Variants in INTS4 observed in about 807,000 individuals in gnomAD.
INTS4 encodes the protein MSTP093.
A neutral mutation model predicts 119.5 loss-of-function variants in INTS4; 70 were observed. That is an observed-to-expected ratio of 0.59 (90% CI 0.48 to 0.71). INTS4 has a LOEUF of 0.71. Among genes scored for constraint, INTS4 ranks in the 30% least tolerant of loss-of-function variants. The pLI is 0.00. For missense variants in INTS4, 867 were observed against 1,173.2 expected (o/e 0.74, Z 3.81); for synonymous variants, 316 against 419.6 (o/e 0.75, Z 3.02).
chr11:77,959,637 C>A (rs1357484254), intron 6 of INTS4, among the ~76,000 whole-genome samples: 1 of 152,068 alleles, frequency 6.6e-6, no homozygotes, highest in Admixed American at 6.6e-5. Flanking sequence ...GATGGTCACA[C>A]CACCACAAGC....
chr11:77,964,416 C>A (rs1345041812), intron 4 of INTS4, among the ~76,000 whole-genome samples: 2 of 150,472 alleles, frequency 1.3e-5, no homozygotes, highest in African/African-American at 4.9e-5. Flanking sequence ...AAAAAAAATA[C>A]AAAAAAAATT....
In INTS4 at chr11:77,883,953, C is replaced by A; in HGVS notation, c.2593-1G>T. On this transcript the variant is annotated splice_acceptor_variant, in intron 21 of 22. Coordinates refer to ENST00000534064, the MANE Select transcript of INTS4 (RefSeq NM_033547.4). LOFTEE classifies it high-confidence loss of function. ...GAGCCTGGCCATCTGGATATAAGAC[C>A]TAAAGGGTGACAGAAATGAGAAAAA... is the stretch of plus-strand genomic sequence containing the variant. 6.2e-7 allele frequency: 1 copy of A among 1,612,362 alleles called. No individual in the cohort carries two copies. The highest frequency in any genetic ancestry group is 8.5e-7 in the Non-Finnish European group (1 of 1,179,196).
chr11:77,883,926 C>A lies in INTS4; in HGVS notation c.2619G>T (p.Gln873His). 1 of 1,613,296 alleles carries A rather than the reference C, an allele frequency of 6.2e-7. No individual in the cohort carries two copies. The highest frequency in any genetic ancestry group is 8.5e-7 in the Non-Finnish European group (1 of 1,179,672). The stretch of plus-strand genomic sequence containing the variant: ...AGTCTGCAGGCTTGGGGTGAATCAT[C>A]TGAGCCTGGCCATCTGGATATAAGA... ...VQVLYPDGQAQMIHPKPADFR... is the reference protein window; with the variant it reads ...VQVLYPDGQAHMIHPKPADFR... The change falls in exon 22 of 23, where the codon CAG becomes CAT. Residue 873 changes from glutamine to histidine, a missense_variant. By Grantham distance (24) the Gln-to-His change is conservative. Transcript: ENST00000534064.
chr11:77,939,735 C>G (rs1427921050), intron 9 of INTS4, among the ~76,000 whole-genome samples: 1 of 151,596 alleles, frequency 6.6e-6, no homozygotes, highest in Non-Finnish European at 1.5e-5. Flanking sequence ...GTCCCAGCTA[C>G]TCAGGAGGCC....
At chr11:77,887,814 C>T (rs1952082964) in intron 21 of INTS4, among the ~76,000 whole-genome samples, 1 of 152,148 alleles carries the variant, frequency 6.6e-6, no homozygotes, top group South Asian at 2.1e-4. Context: ...AGTGAACTCC[C>T]CATTCACAAT....
At chr11:77,948,118 G>T (rs1291829208) in intron 8 of INTS4, among the ~76,000 whole-genome samples, 1 of 152,034 alleles carries the variant, frequency 6.6e-6, no homozygotes, top group East Asian at 1.9e-4. Context: ...CAAAGTGCTG[G>T]GATAATAGGC....
rs776254536 is a variant in INTS4 at position 77,971,642 on chromosome 11, C to CA, written c.471+7353dup. On this transcript the variant is annotated intron_variant, in intron 4 of 22. Coordinates refer to ENST00000534064, the MANE Select transcript of INTS4 (RefSeq NM_033547.4). ...TGGATGACAAAGTGAGACTCCGACT[C>CA]AAAAAAACAAAAAAAACAAAAATAC... is the stretch of plus-strand genomic sequence containing the variant. Among the ~76,000 whole-genome samples, 110 of 151,294 alleles carry CA rather than the reference C, an allele frequency of 7.3e-4. 1 individual carries two copies. Among genetic ancestry groups the CA allele is most frequent in the Admixed American group, 1.3e-3 (19 of 15,196 alleles).
At chr11:77,940,236 A>C (rs1473813464) in intron 9 of INTS4, among the ~76,000 whole-genome samples, 6 of 152,094 alleles carry the variant, frequency 3.9e-5, no homozygotes, top group Admixed American at 3.9e-4. Context: ...CAAGACCAAC[A>C]TGAGGAACAC....
chr11:77,910,938 A>G (rs1262221989), intron 15 of INTS4: 4 of 1,203,002 alleles, frequency 3.3e-6, no homozygotes, highest in African/African-American at 3.1e-5. Context: ...AGCAACATTA[A>G]ATTCTGAATA....
At chr11:77,963,587 T>C (rs1249259572) in intron 4 of INTS4, 2 of 330,762 alleles carry the variant, frequency 6.0e-6, no homozygotes, top group Non-Finnish European at 1.2e-5. Context: ...AATTTTGCTA[T>C]ATATTAAAAA....
rs146916009 is a variant in INTS4 at position 77,985,976 on chromosome 11, T to A, written c.247-4400A>T. Among the ~76,000 whole-genome samples, 906 of 152,156 alleles carry A rather than the reference T, an allele frequency of 6.0e-3. 3 individuals are homozygous for A. Among genetic ancestry groups the A allele is most frequent in the Non-Finnish European group, 9.2e-3 (625 of 67,982 alleles). On this transcript the variant is annotated intron_variant, in intron 2 of 22. Transcript: ENST00000534064. ...AGTTTTATCCACTAAAATATTAACA[T>A]AAAATACCACATTTCTGGATAGAAC...
chr11:77,876,456 A>G (rs1275058242), downstream of INTS4, among the ~76,000 whole-genome samples: 6 of 151,706 alleles, frequency 4.0e-5, no homozygotes, highest in Admixed American at 6.6e-5. Flanking sequence ...GAGAAAAACT[A>G]AAATTCTCAT....
intron 15 of INTS4, chr11:77,918,273 A>C: frequency 1.6e-6 from 1 of 609,808 alleles, no homozygotes; most frequent in Non-Finnish European, 3.0e-6. Context: ...CTCTACAAAA[A>C]AAAAAAAGCC....
intron 18 of INTS4, among the ~76,000 whole-genome samples, chr11:77,900,220 C>T (rs944272291): frequency 2.6e-5 from 4 of 152,046 alleles, no homozygotes; most frequent in Non-Finnish European, 4.4e-5. Flanking sequence ...CTGCCTCAGC[C>T]TCCCGAGTAG....
At chr11:77,970,016 T>C (rs1349699261) in intron 4 of INTS4, among the ~76,000 whole-genome samples, 1 of 152,214 alleles carries the variant, frequency 6.6e-6, no homozygotes, top group African/African-American at 2.4e-5. Context: ...GGGCAAATAA[T>C]ATTCTAACGT....
At chr11:77,911,615 G>A (rs998535219) in intron 15 of INTS4, among the ~76,000 whole-genome samples, 1 of 152,176 alleles carries the variant, frequency 6.6e-6, no homozygotes, top group African/African-American at 2.4e-5. Flanking sequence ...CTGAACTTCT[G>A]TACAAACAAA....
chr11:77,914,906 T>C (rs1461470347), intron 15 of INTS4: 1 of 154,910 alleles, frequency 6.5e-6, no homozygotes, highest in Non-Finnish European at 1.5e-5. Context: ...CATTTCAACC[T>C]AAAAAATAAT....
rs549064360 is a variant in INTS4 at position 77,916,250 on chromosome 11, T to C, written c.1922+2571A>G. On this transcript the variant is annotated intron_variant, in intron 15 of 22. Transcript: ENST00000534064. ...ATACATTCTGAGACATACACTGTTATGTGATTTTGTCTCACAAACATCATA... is the reference window on the plus strand; with the variant it reads ...ATACATTCTGAGACATACACTGTTACGTGATTTTGTCTCACAAACATCATA... Among the ~76,000 whole-genome samples, 24 of 152,352 alleles carry C rather than the reference T, an allele frequency of 1.6e-4. No homozygotes were observed. The East Asian group carries it at 3.9e-3, about 24-fold the overall frequency.
At chr11:77,957,464 T>C (rs1954357664) in intron 7 of INTS4, among the ~76,000 whole-genome samples, 1 of 151,278 alleles carries the variant, frequency 6.6e-6, no homozygotes, top group African/African-American at 2.4e-5. Context: ...GCATGAGAAT[T>C]GCTTCAACCC....
Sources: gnomAD v4.1 joint callset for allele counts (sites outside exome capture counted in the v4.1 genomes callset) on GRCh38, gnomAD v4.1.1 for gene constraint, MANE v1.5 for transcripts, NCBI Gene and HGNC (gene_info 2026-07-23, HGNC 2026-07-21) for gene names.